Variants in GLIS1 observed in about 807,000 individuals in gnomAD.
The protein encoded by GLIS1 is zinc finger protein GLIS1.
A neutral mutation model predicts 63.8 loss-of-function variants in GLIS1; 24 were observed. The observed-to-expected ratio is 0.38, with a 90% CI of 0.27 to 0.53. The LOEUF (loss-of-function observed/expected upper bound fraction) is 0.53. Ranked by LOEUF, GLIS1 falls within the 20% of genes least tolerant of loss-of-function variation. GLIS1 has a pLI of 0.85. For synonymous variants in GLIS1, 450 were observed against 482.5 expected (o/e 0.93, Z 0.88); for missense variants, 1,036 against 1,074.1 (o/e 0.96, Z 0.50).
intron 4 of GLIS1, among the ~76,000 whole-genome samples, chr1:53,530,349 T>C (rs950505548): frequency 6.6e-6 from 1 of 152,212 alleles, no homozygotes; most frequent in Non-Finnish European, 1.5e-5. Flanking sequence ...AGCCTGGATC[T>C]GAACTGGGCT....
At position 53,668,203 on chromosome 1, in the gene GLIS1, A is replaced by G. The variant is rs150226803; in HGVS notation, c.260-67925T>C. ...CCTTGTTGTGGGATTCATCCTGTGC[A>G]TTATATGATGCTTAGCAGCATCAAG... On this transcript the variant is annotated intron_variant, in intron 2 of 10. Coordinates refer to ENST00000628545, the MANE Select transcript of GLIS1 (RefSeq NM_001367484.1). Among the ~76,000 whole-genome samples the G allele has an allele frequency of 8.0e-3, 1,212 of 152,358 alleles. 6 individuals are homozygous for G. The highest frequency in any genetic ancestry group is 0.041 in the Middle Eastern group (12 of 294).
intron 4 of GLIS1, among the ~76,000 whole-genome samples, chr1:53,587,157 T>C (rs1013594904): frequency 6.6e-6 from 1 of 152,066 alleles, no homozygotes; most frequent in Admixed American, 6.5e-5. Flanking sequence ...GCAGACTCTC[T>C]AGGAATTCAG....
At chr1:53,647,388 A>T (rs1645858159) in intron 2 of GLIS1, among the ~76,000 whole-genome samples, 1 of 152,262 alleles carries the variant, frequency 6.6e-6, no homozygotes, top group African/African-American at 2.4e-5. Flanking sequence ...GAATCCAGAA[A>T]TAGAGCCATT....
At chr1:53,558,352 C>T (rs1486817754) in intron 4 of GLIS1, among the ~76,000 whole-genome samples, 17 of 152,212 alleles carry the variant, frequency 1.1e-4, no homozygotes, top group Non-Finnish European at 2.9e-5. Context: ...CTATGGAGGC[C>T]TCACTGTCAC....
chr1:53,531,084 A>G (rs1644525335), intron 4 of GLIS1, among the ~76,000 whole-genome samples: 1 of 152,250 alleles, frequency 6.6e-6, no homozygotes, highest in African/African-American at 2.4e-5. Flanking sequence ...TGGCAATGAC[A>G]GGACTCAGGC....
chr1:53,734,249 T>C, intron 2 of GLIS1: 2 of 965,346 alleles, frequency 2.1e-6, no homozygotes, highest in Non-Finnish European at 1.2e-6. Flanking sequence ...GACCTCATTA[T>C]CTGGTTTGGT....
Position 53,673,015 on chromosome 1 carries a change from G to A in GLIS1, c.259+64791C>T, listed in dbSNP as rs539221914. The stretch of plus-strand genomic sequence containing the variant: ...TGCCCAGCCAGGTCGCTCCAGTGTC[G>A]GGTACATTACTCCCTGAGCTGGCAA... On this transcript the variant is annotated intron_variant, in intron 2 of 10. Coordinates refer to ENST00000628545, the MANE Select transcript of GLIS1 (RefSeq NM_001367484.1). Among the ~76,000 whole-genome samples, 11 of 152,256 alleles carry A rather than the reference G, an allele frequency of 7.2e-5. 1 individual carries two copies. The South Asian group carries it at 2.1e-3, about 29-fold the overall frequency.
intron 2 of GLIS1, among the ~76,000 whole-genome samples, chr1:53,617,343 C>T (rs1489036744): frequency 6.6e-6 from 1 of 152,226 alleles, no homozygotes; most frequent in Non-Finnish European, 1.5e-5. Flanking sequence ...AACAAGCAAC[C>T]TGATCATCTA....
rs1389725377 is a variant in GLIS1 at position 53,600,304 on chromosome 1, G to C, written c.260-26C>G. 4.1e-6 allele frequency: 5 copies of C among 1,228,438 alleles called. No homozygotes were observed. The African/African-American group carries it at 7.8e-5, about 19-fold the overall frequency. 76.1% of individuals were successfully genotyped at this position (1,228,438 alleles called of 1,614,324 possible). A position where few individuals can be genotyped will look rare whatever the true frequency, so the allele number is the denominator to read the frequency against. ...CTAGGCAGAGAAAGACAGGGAGAGA[G>C]GGACACAGTGAGTGGGAACAGCCTG... is the stretch of plus-strand genomic sequence containing the variant. On this transcript the variant is annotated intron_variant, in intron 2 of 10. Coordinates refer to ENST00000628545, the MANE Select transcript of GLIS1 (RefSeq NM_001367484.1).
intron 7 of GLIS1, among the ~76,000 whole-genome samples, chr1:53,519,313 C>T (rs1303974478): frequency 6.6e-6 from 1 of 152,230 alleles, no homozygotes; most frequent in Non-Finnish European, 1.5e-5. Context: ...TGAGCACAAA[C>T]CCCTGGAAAG....
chr1:53,697,454 C>G (rs1002203779), intron 2 of GLIS1, among the ~76,000 whole-genome samples: 1 of 152,226 alleles, frequency 6.6e-6, no homozygotes, highest in African/African-American at 2.4e-5. Context: ...GCCACCCCCC[C>G]AAGTCCCACC....
chr1:53,592,430 G>A (rs1216959343), intron 4 of GLIS1, among the ~76,000 whole-genome samples: 1 of 152,142 alleles, frequency 6.6e-6, no homozygotes, highest in Non-Finnish European at 1.5e-5. Flanking sequence ...GGCCCCCACA[G>A]GCACCCACAG....
At chr1:53,647,850 C>T (rs562038760) in intron 2 of GLIS1, among the ~76,000 whole-genome samples, 2 of 152,158 alleles carry the variant, frequency 1.3e-5, no homozygotes, top group African/African-American at 4.8e-5. Context: ...TGAAGATCTT[C>T]TACACGAAAA....
In GLIS1 at chr1:53,539,547, C is replaced by CCA. The variant is rs1644620018; in HGVS notation, c.1321-9596_1321-9595insTG. Among the ~76,000 whole-genome samples the CCA allele has an allele frequency of 3.3e-4, 2 of 6,088 alleles. No homozygotes were observed. Among genetic ancestry groups the CCA allele is most frequent in the South Asian group, 6.3e-3 (2 of 316 alleles). The allele number at this position is 6,088 out of a possible 152,430, so 4.0% of individuals were successfully genotyped here. ...ACACACACATACCACACGGTATACACCCCCCCACACACACTACACATCATA... is the reference window on the plus strand; with the variant it reads ...ACACACACATACCACACGGTATACACCACCCCCCACACACACTACACATCATA... On this transcript the variant is annotated intron_variant, in intron 4 of 10. Coordinates refer to ENST00000628545, the MANE Select transcript of GLIS1 (RefSeq NM_001367484.1). This position sits in a 1 kb window ranked among gnomAD's most constrained non-coding sequence, Gnocchi z 5.0.
At chr1:53,571,582 AT>A (rs35819074) in intron 4 of GLIS1, among the ~76,000 whole-genome samples, 34 of 148,440 alleles carry the variant, frequency 2.3e-4, no homozygotes, top group Admixed American at 4.0e-4. Context: ...ATGGATAAAA[AT>A]TTTTTTTTTT....
At chr1:53,622,173 A>G (rs901556344) in intron 2 of GLIS1, among the ~76,000 whole-genome samples, 10 of 150,346 alleles carry the variant, frequency 6.7e-5, no homozygotes, top group African/African-American at 2.4e-4. Context: ...CACGCCTGTA[A>G]TCCCAGCACT....
At chr1:53,701,277 C>T (rs983457653) in intron 2 of GLIS1, among the ~76,000 whole-genome samples, 2 of 152,214 alleles carry the variant, frequency 1.3e-5, no homozygotes, top group Non-Finnish European at 2.9e-5. Context: ...TACACCCTTG[C>T]CAACTCTTGT....
chr1:53,585,266 A>G lies in GLIS1; in HGVS notation c.1320+8842T>C, dbSNP rs116045531. ...GGGCTCCTGTTTTCAAGCATCTAAT[A>G]TGCGCCAGGCACGAGGTAAGTGCTA... On this transcript the variant is annotated intron_variant, in intron 4 of 10. Transcript: ENST00000628545. Among the ~76,000 whole-genome samples the G allele has an allele frequency of 2.5e-3, 374 of 152,118 alleles. 3 individuals carry two copies. The highest frequency in any genetic ancestry group is 8.5e-3 in the African/African-American group (354 of 41,474).
chr1:53,637,163 C>A (rs1645734517), intron 2 of GLIS1, among the ~76,000 whole-genome samples: 1 of 152,172 alleles, frequency 6.6e-6, no homozygotes, highest in Non-Finnish European at 1.5e-5. Flanking sequence ...CTGGTGGGCA[C>A]TGACACCTAG....
Sources: allele counts gnomAD v4.1 joint callset (sites outside exome capture counted in the v4.1 genomes callset), GRCh38; gene constraint gnomAD v4.1.1; non-coding constraint Gnocchi (gnomAD v3.1); transcripts MANE v1.5; gene names NCBI Gene and HGNC (gene_info 2026-07-23, HGNC 2026-07-21).